Variants in PAPPA observed in about 807,000 individuals in gnomAD.
PAPPA encodes pappalysin-1.
In PAPPA, 60 loss-of-function variants were observed where a neutral mutation model predicts 164.0. That is an observed-to-expected ratio of 0.37 (90% CI 0.30 to 0.45). The LOEUF (loss-of-function observed/expected upper bound fraction) is 0.45. Ranked by LOEUF, PAPPA falls within the 20% of genes least tolerant of loss-of-function variation. The pLI is 1.00. For missense variants in PAPPA, 1,782 were observed against 2,087.3 expected (o/e 0.85, Z 2.85); for synonymous variants, 875 against 814.1 (o/e 1.07, Z -1.27).
At chr9:116,169,140 T>G in intron 1 of PAPPA, among the ~76,000 whole-genome samples, 1 of 152,018 alleles carries the variant, frequency 6.6e-6, no homozygotes, top group East Asian at 1.9e-4. Flanking sequence ...GCATTGACTG[T>G]GAGATATGGC....
intron 1 of PAPPA, among the ~76,000 whole-genome samples, chr9:116,155,771 T>C (rs548267645): frequency 2.6e-5 from 4 of 152,204 alleles, no homozygotes; most frequent in African/African-American, 9.6e-5. Flanking sequence ...AAGACCCCTT[T>C]AGGAGACCCA....
chr9:116,207,247 G>T (rs563547139), intron 2 of PAPPA, among the ~76,000 whole-genome samples: 1 of 152,216 alleles, frequency 6.6e-6, no homozygotes, highest in South Asian at 2.1e-4. Context: ...AACAACTTTG[G>T]CAAGTCTCTA....
intron 7 of PAPPA, 55 bp from the exon 8 acceptor site, chr9:116,265,802 T>C: frequency 6.8e-7 from 1 of 1,475,148 alleles, no homozygotes; most frequent in Non-Finnish European, 9.3e-7. Context: ...TTCCATTCTC[T>C]CTTTGTCTGC....
chr9:116,278,822 G>A (rs1039305973), intron 9 of PAPPA, among the ~76,000 whole-genome samples: 9 of 152,206 alleles, frequency 5.9e-5, no homozygotes, highest in East Asian at 1.9e-4. Flanking sequence ...AAAAATGGAC[G>A]TAATTATAAC....
intron 7 of PAPPA, among the ~76,000 whole-genome samples, chr9:116,240,982 A>T (rs1185784405): frequency 1.3e-5 from 2 of 152,176 alleles, no homozygotes; most frequent in African/African-American, 4.8e-5. Context: ...CTTCCAACAC[A>T]ATCTATATCT....
intron 21 of PAPPA, among the ~76,000 whole-genome samples, chr9:116,394,013 A>G (rs528375814): frequency 2.0e-5 from 3 of 152,354 alleles, no homozygotes; most frequent in Admixed American, 2.0e-4. Flanking sequence ...GCAGACAGAC[A>G]TGAAACCATC....
chr9:116,322,241 C>T (rs1489120944), intron 10 of PAPPA, among the ~76,000 whole-genome samples: 1 of 151,920 alleles, frequency 6.6e-6, no homozygotes, highest in Admixed American at 6.6e-5. Flanking sequence ...AAAACCCCAT[C>T]TCTACTAAAA....
intron 13 of PAPPA, among the ~76,000 whole-genome samples, chr9:116,335,485 G>C (rs1019752273): frequency 3.3e-5 from 5 of 152,080 alleles, no homozygotes; most frequent in Admixed American, 6.6e-5. Context: ...AACCAAGGGG[G>C]ATAGAGTGAG....
At chr9:116,168,119 C>T (rs183515519) in intron 1 of PAPPA, among the ~76,000 whole-genome samples, 2 of 152,290 alleles carry the variant, frequency 1.3e-5, no homozygotes, top group East Asian at 3.9e-4. Flanking sequence ...AAGCATCATA[C>T]AGCTGTTTAA....
intron 2 of PAPPA, among the ~76,000 whole-genome samples, chr9:116,192,806 T>A (rs1844059570): frequency 6.6e-6 from 1 of 152,220 alleles, no homozygotes; most frequent in Non-Finnish European, 1.5e-5. Context: ...AGAATGCACT[T>A]CACACACCCT....
At chr9:116,235,909 C>T (rs1399324637) in intron 7 of PAPPA, among the ~76,000 whole-genome samples, 1 of 152,032 alleles carries the variant, frequency 6.6e-6, no homozygotes, top group Non-Finnish European at 1.5e-5. Flanking sequence ...TTAGTCATTC[C>T]AATAGTAAAT....
intron 18 of PAPPA, among the ~76,000 whole-genome samples, chr9:116,364,871 G>A (rs971704119): frequency 3.3e-5 from 5 of 152,072 alleles, no homozygotes; most frequent in African/African-American, 1.2e-4. Flanking sequence ...CTCCTTTCCT[G>A]TACCCCAAGT....
In PAPPA at chr9:116,188,150, GAGAGTGCTGTGACCC is replaced by G; in HGVS notation, c.1413_1427del (p.Cys473_Glu477del). 6.2e-7 allele frequency: 1 copy of G among 1,614,200 alleles called. No individual in the cohort carries two copies. The highest frequency in any genetic ancestry group is 8.5e-7 in the Non-Finnish European group (1 of 1,180,038). ...TATGAACGGTTCAACTTTGATGGTG[GAGAGTGCTGTGACCC>G]TGAAATCACCAATGTCACTCAGACT... On this transcript the variant is annotated inframe_deletion, in exon 2 of 22. Coordinates refer to ENST00000328252, the MANE Select transcript of PAPPA (RefSeq NM_002581.5).
chr9:116,287,679 C>T (rs10817870), intron 9 of PAPPA: 49,503 of 152,066 alleles, frequency 0.33, 8,659 homozygotes, highest in South Asian at 0.48. Context: ...AAGAGTTTTC[C>T]ATTGTGTCCT....
At position 116,399,734 on chromosome 9, in the gene PAPPA, C is replaced by T. The variant is rs2118750756; in HGVS notation, c.*3118C>T. 1 of 152,658 alleles carries T rather than the reference C, an allele frequency of 6.6e-6. No individual in the cohort carries two copies. The highest frequency in any genetic ancestry group is 1.9e-4 in the East Asian group (1 of 5,184). The allele number at this position is 152,658 out of a possible 1,614,324, so 9.5% of individuals were successfully genotyped here. A position where few individuals can be genotyped will look rare whatever the true frequency, so the allele number is the denominator to read the frequency against. Reference sequence around the variant, plus strand: ...GTGCCAACAACCTTTTAAGGAAATACAGTCCTTGGGAAATGAGTTTTGATG... The same window carrying T: ...GTGCCAACAACCTTTTAAGGAAATATAGTCCTTGGGAAATGAGTTTTGATG... On this transcript the variant is annotated 3_prime_UTR_variant, in exon 22 of 22. Coordinates refer to ENST00000328252, the MANE Select transcript of PAPPA (RefSeq NM_002581.5).
At chr9:116,311,018 C>A (rs1845710913) in intron 10 of PAPPA, among the ~76,000 whole-genome samples, 1 of 149,406 alleles carries the variant, frequency 6.7e-6, no homozygotes, top group Admixed American at 6.7e-5. Flanking sequence ...GAAGTTTTGG[C>A]AACTGAGGAA....
rs1345523225 is a variant in PAPPA at position 116,352,578 on chromosome 9, G to A, written c.3965-128G>A. ...TCCCTAGGCTCCTCAGTTGGAAGTA[G>A]AAGGGGTTGGAATTCCACATAAGGG... On this transcript the variant is annotated intron_variant, in intron 15 of 21. Coordinates refer to ENST00000328252, the MANE Select transcript of PAPPA (RefSeq NM_002581.5). The A allele has an allele frequency of 1.2e-5, 9 of 738,686 alleles. No individual in the cohort carries two copies. The East Asian group carries it at 2.4e-4, about 20-fold the overall frequency. The allele number at this position is 738,686 out of a possible 1,614,324, so 45.8% of individuals were successfully genotyped here. A position where few individuals can be genotyped will look rare whatever the true frequency, so the allele number is the denominator to read the frequency against.
chr9:116,184,624 A>G (rs546365586), intron 1 of PAPPA, among the ~76,000 whole-genome samples: 1 of 152,310 alleles, frequency 6.6e-6, no homozygotes, highest in African/African-American at 2.4e-5. Flanking sequence ...AGATGAAGGA[A>G]TTAAGGCTTA....
At chr9:116,240,816 CTGAT>C (rs1844727266) in intron 7 of PAPPA, among the ~76,000 whole-genome samples, 1 of 152,180 alleles carries the variant, frequency 6.6e-6, no homozygotes, top group Non-Finnish European at 1.5e-5. Context: ...CATTCATTCT[CTGAT>C]TGAACAAGTA....
Sources: allele counts gnomAD v4.1 joint callset (sites outside exome capture counted in the v4.1 genomes callset), GRCh38; gene constraint gnomAD v4.1.1; transcripts MANE v1.5; gene names NCBI Gene and HGNC (gene_info 2026-07-23, HGNC 2026-07-21).